PRELID2: variants seen among roughly 807,000 people sequenced by gnomAD.
PRELID2 encodes PRELI domain containing 2.
Under a neutral mutation model 28.4 loss-of-function variants are expected in PRELID2, and 25 were observed. The observed-to-expected ratio is 0.88, with a 90% CI of 0.64 to 1.23. The LOEUF (loss-of-function observed/expected upper bound fraction) is 1.23. Ranked by LOEUF, PRELID2 falls within the 50% of genes most tolerant of loss-of-function variation. The pLI is 0.00. For missense variants in PRELID2, 201 were observed against 214.4 expected (o/e 0.94, Z 0.39); for synonymous variants, 76 against 71.6 (o/e 1.06, Z -0.31).
the PRELID2 span, among the ~76,000 whole-genome samples, chr5:145,248,151 T>A: frequency 6.6e-6 from 1 of 152,120 alleles, no homozygotes; most frequent in Non-Finnish European, 1.5e-5. Context: ...AAGGTAGAAC[T>A]GCTCAGGATG....
At chr5:145,806,376 G>A (rs945313296) in intron 4 of PRELID2, among the ~76,000 whole-genome samples, 3 of 151,864 alleles carry the variant, frequency 2.0e-5, no homozygotes, top group African/African-American at 7.3e-5. Context: ...ACTACACAGG[G>A]TCATGATCAT....
In PRELID2 at chr5:145,835,166, CG is replaced by C; in HGVS notation, c.75+10del. The stretch of plus-strand genomic sequence containing the variant: ...CAGCGCGGGATACGGAAGGTGGAAG[CG>C]GGGCGGTACCTTTCGGAGAAAGCTG... On this transcript the variant is annotated intron_variant, in intron 1 of 6. Coordinates refer to ENST00000683046, the MANE Select transcript of PRELID2 (RefSeq NM_205846.3). 1 of 1,540,600 alleles carries C rather than the reference CG, an allele frequency of 6.5e-7. No homozygotes were observed. Among genetic ancestry groups the C allele is most frequent in the Non-Finnish European group, 8.8e-7 (1 of 1,138,374 alleles).
At chr5:145,528,487 C>CGA (rs1012250625) in intron 1 of PRELID2, among the ~76,000 whole-genome samples, 1 of 151,626 alleles carries the variant, frequency 6.6e-6, no homozygotes, top group African/African-American at 2.4e-5. Context: ...CATCAGCTCA[C>CGA]GAGAGAGAGA....
At chr5:145,739,994 T>C (rs2149735200) in intron 1 of PRELID2, among the ~76,000 whole-genome samples, 1 of 151,270 alleles carries the variant, frequency 6.6e-6, no homozygotes, top group African/African-American at 2.4e-5. Flanking sequence ...TGTCAATAAT[T>C]ACATTAAATG....
the PRELID2 span, among the ~76,000 whole-genome samples, chr5:145,363,947 A>G: frequency 6.6e-6 from 1 of 152,182 alleles, no homozygotes; most frequent in South Asian, 2.1e-4. Flanking sequence ...GGAGAAAAAA[A>G]TCTTCTTTGG....
intron 1 of PRELID2, among the ~76,000 whole-genome samples, chr5:145,482,441 G>T (rs1752169957): frequency 6.6e-6 from 1 of 152,064 alleles, no homozygotes; most frequent in Non-Finnish European, 1.5e-5. Flanking sequence ...CATATGGTTG[G>T]CTGTGAGGAT....
At chr5:145,363,699 G>A in the PRELID2 span, among the ~76,000 whole-genome samples, 1 of 151,934 alleles carries the variant, frequency 6.6e-6, no homozygotes. Flanking sequence ...TTTAGTTCAT[G>A]ACTATAATCA....
At chr5:145,425,291 T>C in the PRELID2 span, among the ~76,000 whole-genome samples, 1 of 152,150 alleles carries the variant, frequency 6.6e-6, no homozygotes, top group African/African-American at 2.4e-5. Flanking sequence ...AAATGAATCC[T>C]TTTACACTGT....
At chr5:145,773,112 T>A (rs1758210247) in intron 5 of PRELID2, among the ~76,000 whole-genome samples, 2 of 152,220 alleles carry the variant, frequency 1.3e-5, no homozygotes, top group Admixed American at 6.5e-5. Flanking sequence ...AAGAGAATAT[T>A]TAATTTTCAC....
At chr5:145,575,208 C>T (rs552444159) in intron 1 of PRELID2, among the ~76,000 whole-genome samples, 4 of 152,144 alleles carry the variant, frequency 2.6e-5, no homozygotes, top group Non-Finnish European at 4.4e-5. Context: ...AAACCCATGT[C>T]TTGAACCCCT....
At chr5:145,386,983 C>T in the PRELID2 span, among the ~76,000 whole-genome samples, 3 of 152,130 alleles carry the variant, frequency 2.0e-5, no homozygotes, top group African/African-American at 7.2e-5. Flanking sequence ...AAGTGATAAG[C>T]CCTCTTCTGT....
At chr5:145,607,199 GGATT>G (rs1408309896) in intron 1 of PRELID2, among the ~76,000 whole-genome samples, 1 of 152,102 alleles carries the variant, frequency 6.6e-6, no homozygotes, top group East Asian at 1.9e-4. Flanking sequence ...ACAAAATCCT[GGATT>G]GATTGATCTT....
chr5:145,494,734 G>T (rs1752296113), intron 1 of PRELID2, among the ~76,000 whole-genome samples: 1 of 152,096 alleles, frequency 6.6e-6, no homozygotes, highest in Non-Finnish European at 1.5e-5. Context: ...AAGAATATTA[G>T]ATCTTACTTG....
chr5:145,393,508 C>T, the PRELID2 span, among the ~76,000 whole-genome samples: 1 of 152,188 alleles, frequency 6.6e-6, no homozygotes, highest in South Asian at 2.1e-4. Context: ...AGGGCTGACA[C>T]ATGGTCTGGT....
intron 1 of PRELID2, among the ~76,000 whole-genome samples, chr5:145,598,056 A>C (rs1753335727): frequency 1.3e-5 from 2 of 152,312 alleles, no homozygotes; most frequent in South Asian, 2.1e-4. Context: ...ATTGGCCTGG[A>C]AGGCTTCATT....
the PRELID2 span, among the ~76,000 whole-genome samples, chr5:145,357,889 C>T: frequency 2.0e-5 from 3 of 151,374 alleles, no homozygotes; most frequent in East Asian, 5.8e-4. Flanking sequence ...TTCCTTCAAT[C>T]TGTGAAGTTG....
intron 1 of PRELID2, among the ~76,000 whole-genome samples, chr5:145,573,407 T>G (rs1409990648): frequency 6.6e-6 from 1 of 152,112 alleles, no homozygotes; most frequent in Non-Finnish European, 1.5e-5. Context: ...GGTATACATG[T>G]GCTATGGTGG....
the PRELID2 span, among the ~76,000 whole-genome samples, chr5:145,285,293 T>G: frequency 6.6e-6 from 1 of 152,094 alleles, no homozygotes; most frequent in African/African-American, 2.4e-5. Context: ...GAGTTGAGAT[T>G]TAGGAATAGG....
At chr5:145,330,068 A>T in the PRELID2 span, among the ~76,000 whole-genome samples, 1 of 152,114 alleles carries the variant, frequency 6.6e-6, no homozygotes, top group East Asian at 1.9e-4. Flanking sequence ...TACATGATGG[A>T]TTATGTTTTT....
Sources: allele counts gnomAD v4.1 joint callset (sites outside exome capture counted in the v4.1 genomes callset), GRCh38; gene constraint gnomAD v4.1.1; transcripts MANE v1.5; gene names NCBI Gene and HGNC (gene_info 2026-07-23, HGNC 2026-07-21).